Variants in BSPH1 observed in about 807,000 individuals in gnomAD.
BSPH1 encodes binder of sperm 1.
Under a neutral mutation model 22.5 loss-of-function variants are expected in BSPH1, and 21 were observed. That is an observed-to-expected ratio of 0.93 (90% CI 0.66 to 1.35). The LOEUF (loss-of-function observed/expected upper bound fraction) is 1.35. Among genes scored for constraint, BSPH1 ranks in the 40% most tolerant of loss-of-function variants. The probability of loss-of-function intolerance (pLI) is 0.00; values close to 1 mark genes in which losing one functional copy is unlikely to be tolerated. For missense variants in BSPH1, 141 were observed against 154.2 expected, an observed-to-expected ratio of 0.91 and a Z score of 0.45; for synonymous variants, 42 against 53.6, an observed-to-expected ratio of 0.78 and a Z score of 0.95.
intron 5 of BSPH1, among the ~76,000 whole-genome samples, chr19:47,971,719 A>G (rs955043423): frequency 6.6e-6 from 1 of 152,138 alleles, no homozygotes; most frequent in Non-Finnish European, 1.5e-5. Flanking sequence ...TAGCTGGCCT[A>G]CCAATCTGAA....
At chr19:47,972,280 C>CTTT (rs71181620) in intron 5 of BSPH1, among the ~76,000 whole-genome samples, 13 of 136,772 alleles carry the variant, frequency 9.5e-5, no homozygotes, top group Admixed American at 7.2e-5. Context: ...CCTTGATATT[C>CTTT]TTTTTTTTTT....
intron 3 of BSPH1, among the ~76,000 whole-genome samples, chr19:47,977,916 C>T (rs1969381314): frequency 6.7e-6 from 1 of 149,080 alleles, no homozygotes; most frequent in African/African-American, 2.5e-5. Context: ...ATGTGTGTCA[C>T]CTGGGTATAT....
At chr19:47,982,187 C>T (rs1969425803) in intron 1 of BSPH1, among the ~76,000 whole-genome samples, 1 of 152,134 alleles carries the variant, frequency 6.6e-6, no homozygotes, top group African/African-American at 2.4e-5. Context: ...AGAGAACATC[C>T]ACGTATTATA....
At chr19:47,972,872 CACACGT>C (rs1287156263) in intron 5 of BSPH1, among the ~76,000 whole-genome samples, 1 of 151,322 alleles carries the variant, frequency 6.6e-6, no homozygotes, top group Non-Finnish European at 1.5e-5. Flanking sequence ...CCCCCACCCC[CACACGT>C]ACGTAATTGA....
At chr19:47,984,772 A>T (rs1969453247) in intron 1 of BSPH1, among the ~76,000 whole-genome samples, 1 of 152,110 alleles carries the variant, frequency 6.6e-6, no homozygotes, top group Non-Finnish European at 1.5e-5. Flanking sequence ...GAGGGGACCC[A>T]GGCTTGGAAA....
At chr19:47,990,391 A>G (rs1969512330) in intron 1 of BSPH1, among the ~76,000 whole-genome samples, 1 of 152,158 alleles carries the variant, frequency 6.6e-6, no homozygotes, top group African/African-American at 2.4e-5. Flanking sequence ...AGACATTGAC[A>G]GCGGAGAAGC....
At chr19:47,975,857 G>A (rs7259173) in intron 5 of BSPH1, among the ~76,000 whole-genome samples, 80,756 of 151,746 alleles carry the variant, frequency 0.53, 21,581 homozygotes, top group South Asian at 0.59. Flanking sequence ...GGGTTTCACC[G>A]TGTTAGCCAG....
chr19:47,980,354 C>A (rs9304670), intron 2 of BSPH1: 251,462 of 375,580 alleles, frequency 0.67, 85,245 homozygotes, highest in African/African-American at 0.79. Context: ...TTTCTATTTC[C>A]TTCTTTTCCA....
At chr19:47,982,239 C>G (rs976899460) in intron 1 of BSPH1, among the ~76,000 whole-genome samples, 1 of 152,252 alleles carries the variant, frequency 6.6e-6, no homozygotes, top group Non-Finnish European at 1.5e-5. Context: ...CATTATAACT[C>G]GACATATTCT....
At chr19:47,984,163 A>AAAT (rs1555732124) in intron 1 of BSPH1, among the ~76,000 whole-genome samples, 24 of 135,888 alleles carry the variant, frequency 1.8e-4, no homozygotes, top group Admixed American at 8.9e-4. Context: ...AAAAAAAAAA[A>AAAT]ATATATATAT....
intron 5 of BSPH1, 104 bp downstream of exon 5, chr19:47,976,606 A>AAACC: frequency 4.0e-6 from 3 of 752,148 alleles, no homozygotes; most frequent in Non-Finnish European, 6.1e-6. Flanking sequence ...ACAAAAAAAA[A>AAACC]CCCTCTCTAA....
At chr19:47,968,393 T>G (rs1357374378) in intron 5 of BSPH1, among the ~76,000 whole-genome samples, 184 bp from the exon 6 acceptor site, 1 of 150,358 alleles carries the variant, frequency 6.7e-6, no homozygotes, top group Non-Finnish European at 1.5e-5. Flanking sequence ...ACAGAGTATC[T>G]GTCTCCCACA....
chr19:47,976,735 G>A lies in BSPH1; in HGVS notation c.376C>T (p.Arg126Ter), dbSNP rs759964757. 8 of 1,551,554 alleles carry A rather than the reference G, an allele frequency of 5.2e-6. No homozygotes were observed. Among genetic ancestry groups the A allele is most frequent in the East Asian group, 4.9e-5 (2 of 40,922 alleles). Residue 126 changes from arginine to a stop codon, truncating the protein, a stop_gained, in exon 5 of 6, where the codon CGA becomes TGA. Transcript: ENST00000344839. LOFTEE classifies it high-confidence loss of function. ...CATCATTCACAGTATTTCCAAATTC[G>A]GTCCTTGTTAAAATTCTTGGTCAGT... is the stretch of plus-strand genomic sequence containing the variant. ...CSLTKNFNKD[R>*]IWKYCE
At chr19:47,991,012 C>T (rs1315026450) in intron 1 of BSPH1, among the ~76,000 whole-genome samples, 1 of 152,068 alleles carries the variant, frequency 6.6e-6, no homozygotes, top group Non-Finnish European at 1.5e-5. Context: ...AAATCTTTAC[C>T]TATGGATTGT....
At position 47,985,075 on chromosome 19, in the gene BSPH1, A is replaced by AAAAG. The variant is rs1230498360; in HGVS notation, c.74-4138_74-4135dup. 5.1e-5 allele frequency among the ~76,000 whole-genome samples: 6 copies of AAAAG among 116,626 alleles called. No homozygotes were observed. In the East Asian group the frequency reaches 2.1e-3, roughly 41 times the overall value. 76.5% of individuals were successfully genotyped at this position (116,626 alleles called of 152,430 possible). ...CAAGACTCTGTCTGAAAAAAAAAAA[A>AAAAG]AAAGAAAGAAAAAGAAAAAGAAAAC... is the stretch of plus-strand genomic sequence containing the variant. On this transcript the variant is annotated intron_variant, in intron 1 of 5. Transcript: ENST00000344839.
intron 1 of BSPH1, among the ~76,000 whole-genome samples, chr19:47,984,330 T>A (rs931083846): frequency 6.6e-6 from 1 of 151,536 alleles, no homozygotes; most frequent in Non-Finnish European, 1.5e-5. Flanking sequence ...GCTTTCTTTA[T>A]GACCCTTTGA....
chr19:47,973,044 C>G (rs139370042), intron 5 of BSPH1, among the ~76,000 whole-genome samples: 1 of 151,518 alleles, frequency 6.6e-6, no homozygotes, highest in Non-Finnish European at 1.5e-5. Context: ...GGTGAAACCC[C>G]GTCTCTTCTA....
chr19:47,969,722 A>AGAGAGAGAGG (rs1969293135), intron 5 of BSPH1, among the ~76,000 whole-genome samples: 2 of 119,420 alleles, frequency 1.7e-5, no homozygotes, highest in African/African-American at 5.3e-5. Context: ...AGAGAGAGAG[A>AGAGAGAGAGG]GAGACTTTAG....
intron 5 of BSPH1, among the ~76,000 whole-genome samples, chr19:47,975,951 G>A (rs910016955): frequency 1.3e-5 from 2 of 152,008 alleles, no homozygotes; most frequent in African/African-American, 2.4e-5. Context: ...CACCGTGCCC[G>A]GCCAAGGTAA....
Sources: allele counts gnomAD v4.1 joint callset (sites outside exome capture counted in the v4.1 genomes callset), GRCh38; gene constraint gnomAD v4.1.1; transcripts MANE v1.5; gene names NCBI Gene and HGNC (gene_info 2026-07-23, HGNC 2026-07-21).